Variants in SPOCK1 observed in about 807,000 individuals in gnomAD.
The protein encoded by SPOCK1 is testican-1.
SPOCK1 carries 23 observed loss-of-function variants against 55.3 expected under a neutral mutation model. The ratio of observed to expected loss-of-function variants is 0.42; its 90% CI spans 0.30 to 0.59. The LOEUF (loss-of-function observed/expected upper bound fraction) is 0.59, where lower values mean the gene tolerates loss of function less well. Among genes scored for constraint, SPOCK1 ranks in the 20% least tolerant of loss-of-function variants. The pLI is 0.22. For synonymous variants in SPOCK1, 226 were observed against 221.0 expected (o/e 1.02, Z -0.20); for missense variants, 499 against 552.5 (o/e 0.90, Z 0.97).
At chr5:137,410,256 T>C (rs1580910463) in intron 2 of SPOCK1, among the ~76,000 whole-genome samples, 1 of 152,346 alleles carries the variant, frequency 6.6e-6, no homozygotes, top group East Asian at 1.9e-4. Context: ...TGATCTATTT[T>C]CCCTTATCTA....
chr5:137,341,158 C>T lies in SPOCK1; in HGVS notation c.187-74103G>A, dbSNP rs148792635. 4.5e-3 allele frequency among the ~76,000 whole-genome samples: 679 copies of T among 152,366 alleles called. 13 individuals carry two copies. Among genetic ancestry groups the T allele is most frequent in the Non-Finnish European group, 2.6e-3 (179 of 68,036 alleles). ...CAGTCTCCCCAAGGGGGAACAACTTCAAGCATTATGTTCTGCACGCGCTTG... is the reference window on the plus strand; with the variant it reads ...CAGTCTCCCCAAGGGGGAACAACTTTAAGCATTATGTTCTGCACGCGCTTG... On this transcript the variant is annotated intron_variant, in intron 2 of 10. Transcript: ENST00000394945.
At chr5:137,211,058 G>C (rs1755605213) in intron 3 of SPOCK1, among the ~76,000 whole-genome samples, 1 of 152,192 alleles carries the variant, frequency 6.6e-6, no homozygotes, top group African/African-American at 2.4e-5. Flanking sequence ...TCGTATACCT[G>C]ATGCCCAAAG....
intron 2 of SPOCK1, among the ~76,000 whole-genome samples, chr5:137,325,206 G>C (rs1758054581): frequency 6.6e-6 from 1 of 152,068 alleles, no homozygotes; most frequent in African/African-American, 2.4e-5. Flanking sequence ...AAAAGTTTTT[G>C]ATTGAAAAAA....
chr5:137,007,786 T>A (rs1306791298), intron 6 of SPOCK1, among the ~76,000 whole-genome samples: 1 of 152,182 alleles, frequency 6.6e-6, no homozygotes, highest in Non-Finnish European at 1.5e-5. Context: ...ATCTCATTAC[T>A]GAGTATATAC....
chr5:137,343,729 C>T (rs1192783212), intron 2 of SPOCK1, among the ~76,000 whole-genome samples: 1 of 152,242 alleles, frequency 6.6e-6, no homozygotes, highest in Non-Finnish European at 1.5e-5. Flanking sequence ...CCCAAGGATT[C>T]ATCCTGCAAC....
intron 3 of SPOCK1, among the ~76,000 whole-genome samples, chr5:137,240,497 G>T (rs958148170): frequency 6.6e-6 from 1 of 152,148 alleles, no homozygotes. Context: ...AGCCATTCAT[G>T]AGGGCTACAC....
chr5:137,497,292 T>C (rs767571883), intron 2 of SPOCK1, among the ~76,000 whole-genome samples: 41 of 152,188 alleles, frequency 2.7e-4, no homozygotes, highest in Non-Finnish European at 2.9e-5. Flanking sequence ...TACATGCTGC[T>C]AAAAATATTA....
intron 6 of SPOCK1, among the ~76,000 whole-genome samples, chr5:137,001,867 G>C (rs1751161707): frequency 6.6e-6 from 1 of 152,150 alleles, no homozygotes; most frequent in Non-Finnish European, 1.5e-5. Flanking sequence ...GGAGCTTACT[G>C]AAGGGATTTA....
At chr5:137,212,908 C>T (rs974672939) in intron 3 of SPOCK1, among the ~76,000 whole-genome samples, 1 of 152,106 alleles carries the variant, frequency 6.6e-6, no homozygotes, top group African/African-American at 2.4e-5. Context: ...AAACATAACC[C>T]CAAGCTTAGC....
At chr5:136,997,352 C>T (rs1352219629) in intron 6 of SPOCK1, among the ~76,000 whole-genome samples, 1 of 152,166 alleles carries the variant, frequency 6.6e-6, no homozygotes, top group East Asian at 1.9e-4. Flanking sequence ...TACCTCCCAC[C>T]AGGACAACTG....
rs373886330 is a variant in SPOCK1, at chr5:137,338,421, A to T, written c.187-71366T>A. On this transcript the variant is annotated intron_variant, in intron 2 of 10. Coordinates refer to ENST00000394945, the MANE Select transcript of SPOCK1 (RefSeq NM_004598.4). ...ATTTTCTTAATCCAGTCTATCATTG[A>T]TGGACATTTGGGTTGGTTCCAAGTC... Among the ~76,000 whole-genome samples, 16 of 152,066 alleles carry T rather than the reference A, an allele frequency of 1.1e-4. 1 individual carries two copies. In the South Asian group the frequency reaches 2.3e-3, roughly 22 times the overall value.
Position 137,161,910 on chromosome 5 carries a change from A to C in SPOCK1, c.233-21216T>G, listed in dbSNP as rs535780207. On this transcript the variant is annotated intron_variant, in intron 3 of 10. Coordinates refer to ENST00000394945, the MANE Select transcript of SPOCK1 (RefSeq NM_004598.4). ...AGCTGTCATATTCTGGGTAAGATCT[A>C]AGAGTTGTCACTCCCTATTCTCATC... Among the ~76,000 whole-genome samples the C allele has an allele frequency of 2.2e-3, 328 of 152,300 alleles. 2 individuals carry two copies. The highest frequency in any genetic ancestry group is 7.2e-3 in the African/African-American group (300 of 41,566).
chr5:137,036,436 C>A (rs532293415), intron 6 of SPOCK1, among the ~76,000 whole-genome samples: 1 of 147,148 alleles, frequency 6.8e-6, no homozygotes, highest in South Asian at 2.1e-4. Context: ...TCCCTAAGCT[C>A]TCTCTACTTT....
intron 6 of SPOCK1, among the ~76,000 whole-genome samples, chr5:137,032,727 C>T (rs1216570647): frequency 1.3e-5 from 2 of 152,236 alleles, no homozygotes; most frequent in East Asian, 1.9e-4. Context: ...AGGATTTAGC[C>T]ATCAGGGTTG....
intron 5 of SPOCK1, among the ~76,000 whole-genome samples, chr5:137,087,285 G>A (rs1429523133): frequency 6.6e-6 from 1 of 152,170 alleles, no homozygotes; most frequent in Non-Finnish European, 1.5e-5. Flanking sequence ...CTGACTGCTG[G>A]AGGAATAGGT....
chr5:137,013,385 T>C (rs1422948449), intron 6 of SPOCK1, among the ~76,000 whole-genome samples: 1 of 152,192 alleles, frequency 6.6e-6, no homozygotes, highest in Non-Finnish European at 1.5e-5. Flanking sequence ...ATGATAACAT[T>C]CACTTGGCAA....
At chr5:137,231,325 G>A (rs947604360) in intron 3 of SPOCK1, among the ~76,000 whole-genome samples, 2 of 152,164 alleles carry the variant, frequency 1.3e-5, no homozygotes, top group African/African-American at 2.4e-5. Flanking sequence ...GGGATTATAG[G>A]CGTGAGCCAC....
chr5:137,366,282 T>G (rs1751059751), intron 2 of SPOCK1, among the ~76,000 whole-genome samples: 2 of 151,814 alleles, frequency 1.3e-5, no homozygotes, highest in African/African-American at 4.9e-5. Context: ...AAATAGAAAA[T>G]TTGGAGCTGT....
chr5:137,032,511 G>A (rs1190594486), intron 6 of SPOCK1, among the ~76,000 whole-genome samples: 1 of 152,146 alleles, frequency 6.6e-6, no homozygotes, highest in Non-Finnish European at 1.5e-5. Flanking sequence ...AGTGCAGCGG[G>A]GAAGCTGAGA....
Sources: allele counts gnomAD v4.1 joint callset (sites outside exome capture counted in the v4.1 genomes callset), GRCh38; gene constraint gnomAD v4.1.1; transcripts MANE v1.5; gene names NCBI Gene and HGNC (gene_info 2026-07-23, HGNC 2026-07-21).